GRIK1: variants seen among roughly 807,000 people sequenced by gnomAD.
GRIK1 encodes the protein glutamate receptor ionotropic, kainate 1.
A neutral mutation model predicts 105.7 loss-of-function variants in GRIK1; 69 were observed. The observed-to-expected ratio is 0.65, with a 90% CI of 0.54 to 0.80. The LOEUF (loss-of-function observed/expected upper bound fraction) is 0.80. Ranked by LOEUF, GRIK1 falls within the 30% of genes least tolerant of loss-of-function variation. The pLI, the probability that GRIK1 is intolerant of heterozygous loss-of-function variation, is 0.00. For synonymous variants in GRIK1, 438 were observed against 431.3 expected (o/e 1.02, Z -0.19); for missense variants, 1,109 against 1,167.3 (o/e 0.95, Z 0.73).
intron 1 of GRIK1, among the ~76,000 whole-genome samples, chr21:29,897,094 G>A (rs2070196556): frequency 6.6e-6 from 1 of 152,216 alleles, no homozygotes; most frequent in African/African-American, 2.4e-5. Context: ...CTGTGTGCAT[G>A]TGTGTGTGCA....
intron 1 of GRIK1, among the ~76,000 whole-genome samples, chr21:29,712,753 A>T (rs2146822755): frequency 6.6e-6 from 1 of 152,338 alleles, no homozygotes; most frequent in Non-Finnish European, 1.5e-5. Context: ...CATTAAGGAA[A>T]GAAACTATCT....
chr21:29,920,845 G>A (rs559676421), intron 1 of GRIK1, among the ~76,000 whole-genome samples: 1 of 152,154 alleles, frequency 6.6e-6, no homozygotes, highest in African/African-American at 2.4e-5. Flanking sequence ...GTTATCAAAA[G>A]TGTTTTGCCA....
intron 1 of GRIK1, among the ~76,000 whole-genome samples, chr21:29,848,779 A>ATATATTTTTTTTTTTTT: frequency 5.1e-5 from 4 of 77,884 alleles, no homozygotes; most frequent in African/African-American, 2.3e-4. Flanking sequence ...ATATATATAT[A>ATATATTTTTTTTTTTTT]TTTTTTTTTT....
At chr21:29,884,816 CA>C (rs2069550351) in intron 1 of GRIK1, among the ~76,000 whole-genome samples, 1 of 152,046 alleles carries the variant, frequency 6.6e-6, no homozygotes, top group African/African-American at 2.4e-5. Context: ...ACTATAGCTA[CA>C]TGCATAAAGT....
At chr21:29,574,683 CTTTTTTTTTTTTT>C (rs71191118) in intron 14 of GRIK1, among the ~76,000 whole-genome samples, 1 of 98,412 alleles carries the variant, frequency 1.0e-5, no homozygotes, top group South Asian at 3.7e-4. Flanking sequence ...TGATACACTT[CTTTTTTTTTTTTT>C]TTTTTTTTTG....
chr21:29,722,806 A>G (rs1254008885), intron 1 of GRIK1, among the ~76,000 whole-genome samples: 1 of 152,198 alleles, frequency 6.6e-6, no homozygotes, highest in African/African-American at 2.4e-5. Context: ...CTACGCTACA[A>G]CCACATAAGA....
At chr21:29,639,881 T>C (rs2062474606) in intron 7 of GRIK1, among the ~76,000 whole-genome samples, 2 of 152,202 alleles carry the variant, frequency 1.3e-5, no homozygotes. Context: ...TAACATACTC[T>C]ATCATGTTTC....
At chr21:29,907,164 C>G (rs1165226878) in intron 1 of GRIK1, among the ~76,000 whole-genome samples, 1 of 150,160 alleles carries the variant, frequency 6.7e-6, no homozygotes, top group Non-Finnish European at 1.5e-5. Context: ...TTTTTCTACT[C>G]TTACAGAAAA....
intron 1 of GRIK1, among the ~76,000 whole-genome samples, chr21:29,918,340 A>C (rs770803230): frequency 1.5e-4 from 23 of 152,124 alleles, no homozygotes; most frequent in Non-Finnish European, 2.8e-4. Context: ...AAGCTCAACT[A>C]ATCTTTTCAA....
At chr21:29,637,394 C>T (rs1224248227) in intron 7 of GRIK1, among the ~76,000 whole-genome samples, 2 of 152,220 alleles carry the variant, frequency 1.3e-5, no homozygotes, top group Non-Finnish European at 2.9e-5. Flanking sequence ...CTACATTCAG[C>T]TACCATTTCC....
chr21:29,716,409 C>A (rs567424466), intron 1 of GRIK1, among the ~76,000 whole-genome samples: 1 of 152,110 alleles, frequency 6.6e-6, no homozygotes, highest in African/African-American at 2.4e-5. Flanking sequence ...AAGTTAGAAA[C>A]TTCCTAGAGA....
chr21:29,778,728 C>T (rs973561008), intron 1 of GRIK1, among the ~76,000 whole-genome samples: 16 of 152,150 alleles, frequency 1.1e-4, no homozygotes, highest in African/African-American at 3.6e-4. Context: ...TCTAGTTTTT[C>T]GGGTCAGTTA....
At chr21:29,740,705 A>G (rs1033522218) in intron 1 of GRIK1, among the ~76,000 whole-genome samples, 1 of 152,204 alleles carries the variant, frequency 6.6e-6, no homozygotes, top group Non-Finnish European at 1.5e-5. Context: ...AGCCAATTCA[A>G]TTAGTTACTC....
chr21:29,651,331 G>T, intron 5 of GRIK1, 40 bp from the exon 6 acceptor site: 3 of 1,353,142 alleles, frequency 2.2e-6, no homozygotes, highest in Non-Finnish European at 3.1e-6. Flanking sequence ...AAAATAATTA[G>T]AATTTTCATT....
chr21:29,915,186 AC>A (rs201978406), intron 1 of GRIK1, among the ~76,000 whole-genome samples: 12,794 of 150,732 alleles, frequency 0.085, 1,570 homozygotes, highest in African/African-American at 0.27. Flanking sequence ...GAATCCAGAC[AC>A]ACACACACAC....
chr21:29,811,826 C>G (rs1439311057), intron 1 of GRIK1, among the ~76,000 whole-genome samples: 1 of 152,310 alleles, frequency 6.6e-6, no homozygotes, highest in East Asian at 1.9e-4. Context: ...CCATGCTGGC[C>G]TTCTTGCTTC....
At chr21:29,825,959 A>C (rs1215079044) in intron 1 of GRIK1, among the ~76,000 whole-genome samples, 2 of 152,116 alleles carry the variant, frequency 1.3e-5, no homozygotes, top group African/African-American at 4.8e-5. Flanking sequence ...TGCTTCTTTT[A>C]GAATAATGTA....
chr21:29,855,828 C>T (rs966112791), intron 1 of GRIK1, among the ~76,000 whole-genome samples: 2 of 151,920 alleles, frequency 1.3e-5, no homozygotes, highest in Non-Finnish European at 2.9e-5. Flanking sequence ...TTTGGAGACA[C>T]GATCGGTAGG....
chr21:29,891,191 A>G (rs1318737895), intron 1 of GRIK1, among the ~76,000 whole-genome samples: 2 of 152,176 alleles, frequency 1.3e-5, no homozygotes, highest in Non-Finnish European at 2.9e-5. Flanking sequence ...ATTCTGTTTG[A>G]TCATCCCTTG....
Sources: allele counts gnomAD v4.1 joint callset (sites outside exome capture counted in the v4.1 genomes callset), GRCh38; gene constraint gnomAD v4.1.1; transcripts MANE v1.5; gene names NCBI Gene and HGNC (gene_info 2026-07-23, HGNC 2026-07-21).